PCDH15: variants seen among roughly 807,000 people sequenced by gnomAD.
PCDH15 encodes protocadherin-15.
Under a neutral mutation model 178.5 loss-of-function variants are expected in PCDH15, and 129 were observed. The observed-to-expected ratio is 0.72, with a 90% CI of 0.63 to 0.84. The LOEUF (loss-of-function observed/expected upper bound fraction) is 0.84, where lower values mean the gene tolerates loss of function less well. PCDH15 is among the 40% of genes least tolerant of loss of function. The pLI is 0.00. For synonymous variants in PCDH15, 800 were observed against 732.0 expected, an observed-to-expected ratio of 1.09 and a Z score of -1.50; for missense variants, 2,230 against 2,099.9, an observed-to-expected ratio of 1.06 and a Z score of -1.21.
intron 2 of PCDH15, among the ~76,000 whole-genome samples, chr10:55,341,572 T>C (rs2252572): frequency 1.4e-5 from 2 of 144,620 alleles, no homozygotes. Flanking sequence ...TAGATTAGCA[T>C]CCTTTTTTTT....
At chr10:55,333,531 G>A (rs527649508) in intron 2 of PCDH15, among the ~76,000 whole-genome samples, 1 of 152,072 alleles carries the variant, frequency 6.6e-6, no homozygotes, top group Admixed American at 6.6e-5. Flanking sequence ...GCACTGGTTA[G>A]TTTGGTTAAT....
At chr10:54,018,542 CAA>C (rs1221159586) in intron 20 of PCDH15, among the ~76,000 whole-genome samples, 1 of 152,002 alleles carries the variant, frequency 6.6e-6, no homozygotes, top group Admixed American at 6.6e-5. Context: ...ATAATACTGG[CAA>C]AGATTAAGTG....
At chr10:54,091,055 C>G (rs538833098) in intron 15 of PCDH15, among the ~76,000 whole-genome samples, 2 of 152,274 alleles carry the variant, frequency 1.3e-5, no homozygotes, top group Non-Finnish European at 2.9e-5. Context: ...TTCCGAGTTT[C>G]TCTTGACCAA....
intron 8 of PCDH15, among the ~76,000 whole-genome samples, chr10:54,294,079 C>T (rs940618190): frequency 6.6e-6 from 1 of 152,082 alleles, no homozygotes; most frequent in African/African-American, 2.4e-5. Context: ...AAATGTCCAA[C>T]AATGATAGAC....
chr10:54,083,566 T>C (rs144473846), intron 16 of PCDH15, among the ~76,000 whole-genome samples: 51 of 152,298 alleles, frequency 3.3e-4, no homozygotes, highest in African/African-American at 1.2e-3. Flanking sequence ...CTGTAGAATA[T>C]TCAAAGTAGG....
chr10:55,428,025 T>G (rs1192342199), intron 2 of PCDH15, among the ~76,000 whole-genome samples: 1 of 152,034 alleles, frequency 6.6e-6, no homozygotes, highest in African/African-American at 2.4e-5. Flanking sequence ...TCATATGACT[T>G]CAATTATTTT....
At chr10:54,662,537 G>T (rs1802608213) in intron 2 of PCDH15, among the ~76,000 whole-genome samples, 1 of 151,906 alleles carries the variant, frequency 6.6e-6, no homozygotes, top group Admixed American at 6.6e-5. Flanking sequence ...GCCCAATAAT[G>T]ACCTGATAAT....
intron 2 of PCDH15, among the ~76,000 whole-genome samples, chr10:55,133,555 A>G (rs959273341): frequency 6.6e-6 from 1 of 152,018 alleles, no homozygotes; most frequent in Admixed American, 6.6e-5. Context: ...TCTATTGTAC[A>G]TCTCTAGCCC....
At chr10:53,820,954 C>G in intron 32 of PCDH15, 1 of 355,104 alleles carries the variant, frequency 2.8e-6, no homozygotes, top group Non-Finnish European at 3.9e-6. Context: ...TTTTATATTT[C>G]ATTTATTAAA....
At chr10:54,362,357 T>G (rs948369971) in intron 5 of PCDH15, among the ~76,000 whole-genome samples, 1 of 151,986 alleles carries the variant, frequency 6.6e-6, no homozygotes, top group Non-Finnish European at 1.5e-5. Context: ...ACATTAAAAT[T>G]ATTATAAATC....
chr10:53,992,080 G>C (rs2091539349), intron 21 of PCDH15, among the ~76,000 whole-genome samples: 1 of 151,864 alleles, frequency 6.6e-6, no homozygotes, highest in South Asian at 2.1e-4. Context: ...AAGGTCTGCA[G>C]CTTCACTCCT....
intron 2 of PCDH15, among the ~76,000 whole-genome samples, chr10:55,562,313 T>A (rs1025035241): frequency 1.2e-4 from 19 of 152,008 alleles, no homozygotes; most frequent in African/African-American, 4.3e-4. Context: ...TTTTATACAG[T>A]TATTATAAGG....
At chr10:55,491,254 A>G (rs1187803731) in intron 2 of PCDH15, among the ~76,000 whole-genome samples, 1 of 151,734 alleles carries the variant, frequency 6.6e-6, no homozygotes, top group Non-Finnish European at 1.5e-5. Context: ...CCTGGGTAGG[A>G]TAGAGTGCCA....
chr10:54,574,782 C>T (rs1349832742), intron 2 of PCDH15, among the ~76,000 whole-genome samples: 1 of 149,246 alleles, frequency 6.7e-6, no homozygotes, highest in African/African-American at 2.5e-5. Context: ...CCATTTGACT[C>T]AGCCATCCCA....
At chr10:55,561,060 C>A (rs1403683891) in intron 2 of PCDH15, among the ~76,000 whole-genome samples, 6 of 151,394 alleles carry the variant, frequency 4.0e-5, no homozygotes, top group Admixed American at 2.6e-4. Context: ...GTTCTGGAGA[C>A]AAAAGAGAAT....
chr10:53,809,076 G>GT, intron 37 of PCDH15: 1 of 1,613,688 alleles, frequency 6.2e-7, no homozygotes. Context: ...CAAGCACAAT[G>GT]TTTTTCCTTG....
At chr10:55,090,291 T>TTCATACCAAA (rs1162004145) in intron 2 of PCDH15, among the ~76,000 whole-genome samples, 1 of 151,982 alleles carries the variant, frequency 6.6e-6, no homozygotes, top group Non-Finnish European at 1.5e-5. Flanking sequence ...AAACAAGAAT[T>TTCATACCAAA]ATACAATATT....
intron 2 of PCDH15, among the ~76,000 whole-genome samples, chr10:54,969,747 T>C (rs1838885066): frequency 6.6e-6 from 1 of 152,214 alleles, no homozygotes; most frequent in Non-Finnish European, 1.5e-5. Context: ...TCCAGCATAA[T>C]CACAGTGTTC....
At chr10:54,366,896 C>T (rs971432266) in intron 5 of PCDH15, among the ~76,000 whole-genome samples, 5 of 152,098 alleles carry the variant, frequency 3.3e-5, no homozygotes, top group African/African-American at 1.2e-4. Flanking sequence ...ACCAGTTCAA[C>T]AATGTATTGA....
Sources: allele counts gnomAD v4.1 joint callset (sites outside exome capture counted in the v4.1 genomes callset), GRCh38; gene constraint gnomAD v4.1.1; transcripts MANE v1.5; gene names NCBI Gene and HGNC (gene_info 2026-07-23, HGNC 2026-07-21).